The following HAPLN1 variants were observed in gnomAD, a reference collection of about 807,000 sequenced individuals.
HAPLN1 encodes Cartilage link protein.
HAPLN1 carries 13 observed loss-of-function variants against 36.5 expected under a neutral mutation model. The observed-to-expected ratio is 0.36, with a 90% CI of 0.23 to 0.57. HAPLN1 has a LOEUF of 0.57. Ranked by LOEUF, HAPLN1 falls within the 20% of genes least tolerant of loss-of-function variation. HAPLN1 has a pLI of 0.83. For synonymous variants in HAPLN1, 202 were observed against 169.8 expected (o/e 1.19, Z -1.48); for missense variants, 407 against 439.7 (o/e 0.93, Z 0.66).
At chr5:83,651,609 G>A (rs1479497288) in intron 3 of HAPLN1, among the ~76,000 whole-genome samples, 1 of 152,252 alleles carries the variant, frequency 6.6e-6, no homozygotes, top group Non-Finnish European at 1.5e-5. Context: ...GTCCTCAGGG[G>A]TAAAAGGAGC....
At chr5:83,708,815 G>A (rs1462241059) in intron 1 of HAPLN1, among the ~76,000 whole-genome samples, 1 of 151,942 alleles carries the variant, frequency 6.6e-6, no homozygotes, top group Admixed American at 6.5e-5. Flanking sequence ...AGCAGGAGGA[G>A]TATGAAAACA....
chr5:83,683,639 C>A (rs879414203), intron 1 of HAPLN1, among the ~76,000 whole-genome samples: 15 of 152,084 alleles, frequency 9.9e-5, no homozygotes, highest in Admixed American at 9.8e-4. Flanking sequence ...GAAGTGTAAT[C>A]CTAAAAATAC....
At chr5:83,658,186 T>C (rs774189206) in intron 2 of HAPLN1, among the ~76,000 whole-genome samples, 14 of 152,202 alleles carry the variant, frequency 9.2e-5, no homozygotes, top group Non-Finnish European at 1.9e-4. Context: ...TTGGCAGATT[T>C]GGATGTTTAA....
At chr5:83,672,260 TA>T (rs1750748787) in intron 2 of HAPLN1, among the ~76,000 whole-genome samples, 1 of 152,172 alleles carries the variant, frequency 6.6e-6, no homozygotes, top group Admixed American at 6.5e-5. Context: ...CACTAGAAGG[TA>T]AAAGGGTATT....
At chr5:83,699,166 C>A (rs74873755) in intron 1 of HAPLN1, among the ~76,000 whole-genome samples, 2,245 of 152,168 alleles carry the variant, frequency 0.015, 141 homozygotes, top group Admixed American at 0.1. Flanking sequence ...AAGGAAGAGG[C>A]TTTGAAAATG....
intron 2 of HAPLN1, among the ~76,000 whole-genome samples, chr5:83,655,991 T>C (rs1750199740): frequency 6.6e-6 from 1 of 152,160 alleles, no homozygotes; most frequent in African/African-American, 2.4e-5. Flanking sequence ...GATAATTGGA[T>C]TTAAACTCCT....
chr5:83,715,769 T>A (rs575022637), intron 1 of HAPLN1, among the ~76,000 whole-genome samples: 96 of 152,322 alleles, frequency 6.3e-4, no homozygotes, highest in African/African-American at 2.3e-3. Flanking sequence ...ACAAAGCTGT[T>A]ATCCACTCAG....
Position 83,644,520 on chromosome 5 carries a change from A to AT in HAPLN1, c.617dup (p.Asn206LysfsTer7). ...CAGAGCCATCACTGAGCCAGCCGGCATTGCACCAGTCCAGCCCGCCCCGCC... is the reference window on the plus strand; with the variant it reads ...CAGAGCCATCACTGAGCCAGCCGGCATTTGCACCAGTCCAGCCCGCCCCGCC... On this transcript the variant is annotated frameshift_variant, in exon 4 of 5. Coordinates refer to ENST00000274341, the MANE Select transcript of HAPLN1 (RefSeq NM_001884.4). LOFTEE classifies it high-confidence loss of function. The AT allele has an allele frequency of 6.2e-7, 1 of 1,612,112 alleles. No homozygotes were observed. The highest frequency in any genetic ancestry group is 8.5e-7 in the Non-Finnish European group (1 of 1,179,110).
chr5:83,681,724 A>G (rs1154889), intron 1 of HAPLN1, among the ~76,000 whole-genome samples: 2 of 151,922 alleles, frequency 1.3e-5, no homozygotes, highest in Non-Finnish European at 2.9e-5. Flanking sequence ...TGCCCACGCT[A>G]TACATCATTT....
At chr5:83,688,642 C>CTTTTTTTTTTTTTTTTTTTTTTTTTT (rs539790396) in intron 1 of HAPLN1, among the ~76,000 whole-genome samples, 1 of 80,560 alleles carries the variant, frequency 1.2e-5, no homozygotes, top group Non-Finnish European at 2.3e-5. Context: ...GCTTTTGATT[C>CTTTTTTTTTTTTTTTTTTTTTTTTTT]TTTTTTTTTT....
At chr5:83,680,498 A>C (rs958123963) in intron 1 of HAPLN1, among the ~76,000 whole-genome samples, 3 of 152,120 alleles carry the variant, frequency 2.0e-5, no homozygotes, top group Admixed American at 6.6e-5. Flanking sequence ...TCTACTAAAA[A>C]ATTTTTCAGT....
At chr5:83,646,381 C>T (rs953697109) in intron 3 of HAPLN1, among the ~76,000 whole-genome samples, 4 of 152,286 alleles carry the variant, frequency 2.6e-5, no homozygotes, top group South Asian at 2.1e-4. Flanking sequence ...AGACTGCAGA[C>T]GCTATTCAAG....
At chr5:83,649,103 A>G (rs1749970615) in intron 3 of HAPLN1, among the ~76,000 whole-genome samples, 1 of 152,218 alleles carries the variant, frequency 6.6e-6, no homozygotes, top group Non-Finnish European at 1.5e-5. Context: ...AAAATTATTC[A>G]GTGGTAGTGG....
chr5:83,649,679 C>T (rs1204389494), intron 3 of HAPLN1, among the ~76,000 whole-genome samples: 2 of 152,160 alleles, frequency 1.3e-5, no homozygotes, highest in Non-Finnish European at 2.9e-5. Flanking sequence ...AAACTCCTGA[C>T]TCCAAGTGAT....
chr5:83,691,633 A>T (rs541128341), intron 1 of HAPLN1, among the ~76,000 whole-genome samples: 4 of 152,008 alleles, frequency 2.6e-5, no homozygotes, highest in African/African-American at 9.7e-5. Flanking sequence ...AACAACGTAT[A>T]GTAATATTTG....
At chr5:83,687,856 T>C (rs776930348) in intron 1 of HAPLN1, among the ~76,000 whole-genome samples, 21 of 152,212 alleles carry the variant, frequency 1.4e-4, no homozygotes, top group Non-Finnish European at 2.8e-4. Context: ...TGCATTTATA[T>C]AGAACATTCT....
chr5:83,657,634 T>C (rs937312192), intron 2 of HAPLN1, among the ~76,000 whole-genome samples: 1 of 152,212 alleles, frequency 6.6e-6, no homozygotes, highest in Admixed American at 6.5e-5. Context: ...AGTGAAGCCC[T>C]TGGGAACCTC....
chr5:83,686,142 C>CAAAAAAAAAAA (rs535353958), intron 1 of HAPLN1: 2 of 81,642 alleles, frequency 2.4e-5, no homozygotes, highest in African/African-American at 4.5e-5. Context: ...AAAATGTAGC[C>CAAAAAAAAAAA]AAAAAAAAAA....
chr5:83,641,717 C>G lies in HAPLN1; in HGVS notation c.844G>C (p.Asp282His), dbSNP rs765888760. The change falls in exon 5 of 5, where the codon GAT (aspartate) becomes CAT (histidine). Residue 282 changes from aspartate to histidine, a missense_variant. Asp to His is a moderately conservative substitution (Grantham distance 81, BLOSUM62 -1). Transcript: ENST00000274341. ...YDEAVQACLN[D>H]GAQIAKVGQI... ...CCCACTTTTGCAATCTGAGCACCAT[C>G]ATTGAGACAAGCTTGCACCGCTTCA... 1 of 1,614,028 alleles carries G rather than the reference C, an allele frequency of 6.2e-7. No individual in the cohort carries two copies. Among genetic ancestry groups the G allele is most frequent in the African/African-American group, 1.3e-5 (1 of 74,902 alleles).
Sources: gnomAD v4.1 joint callset for allele counts (sites outside exome capture counted in the v4.1 genomes callset) on GRCh38, gnomAD v4.1.1 for gene constraint, MANE v1.5 for transcripts, NCBI Gene and HGNC (gene_info 2026-07-23, HGNC 2026-07-21) for gene names.